The following HDAC9 variants were observed in gnomAD, a reference collection of about 807,000 sequenced individuals.
HDAC9 encodes the protein histone deacetylase 9.
In HDAC9, 41 loss-of-function variants were observed where a neutral mutation model predicts 139.4. The observed-to-expected ratio is 0.29, with a 90% CI of 0.23 to 0.38. The LOEUF (loss-of-function observed/expected upper bound fraction) is 0.38, where lower values mean the gene tolerates loss of function less well. Ranked by LOEUF, HDAC9 falls within the 10% of genes least tolerant of loss-of-function variation. The pLI is 1.00. For missense variants in HDAC9, 1,147 were observed against 1,297.0 expected, an observed-to-expected ratio of 0.88 and a Z score of 1.78; for synonymous variants, 517 against 476.2, an observed-to-expected ratio of 1.09 and a Z score of -1.12.
intron 2 of HDAC9, among the ~76,000 whole-genome samples, chr7:18,533,571 C>CGGAA (rs1809790097): frequency 1.3e-5 from 2 of 152,006 alleles, no homozygotes; most frequent in Non-Finnish European, 2.9e-5. Context: ...ATTTGGCTTC[C>CGGAA]CCAACACATT....
intron 1 of HDAC9, among the ~76,000 whole-genome samples, chr7:18,446,570 T>C (rs1422608520): frequency 1.3e-5 from 2 of 152,340 alleles, no homozygotes; most frequent in Middle Eastern, 3.4e-3. Flanking sequence ...ATATTATGGG[T>C]AAGCTGTTTT....
At chr7:18,954,261 A>G in intron 24 of HDAC9, 31 bp downstream of exon 24, 1 of 1,280,754 alleles carries the variant, frequency 7.8e-7, no homozygotes, top group Non-Finnish European at 1.1e-6. Flanking sequence ...TAAAAATTCT[A>G]AGCAGGTAAA....
In HDAC9 at chr7:18,390,258, G is replaced by A. The variant is rs571048879; in HGVS notation, c.-42+99743G>A. On this transcript the variant is annotated intron_variant, in intron 1 of 3. Coordinates refer to the HDAC9 transcript ENST00000413509. ...GACTAGACACAATTCAGTAGTGTTTGCATGGCTCTTGGCAACTGATCACTC... is the reference window on the plus strand; with the variant it reads ...GACTAGACACAATTCAGTAGTGTTTACATGGCTCTTGGCAACTGATCACTC... Among the ~76,000 whole-genome samples the A allele has an allele frequency of 5.3e-5, 8 of 152,208 alleles. No homozygotes were observed. In the South Asian group the frequency reaches 1.5e-3, roughly 28 times the overall value.
intron 1 of HDAC9, among the ~76,000 whole-genome samples, chr7:18,143,948 A>G (rs1182018483): frequency 6.6e-6 from 1 of 152,124 alleles, no homozygotes; most frequent in Admixed American, 6.5e-5. Flanking sequence ...CTAAATCGAC[A>G]TGGATCACCT....
intron 1 of HDAC9, among the ~76,000 whole-genome samples, chr7:18,460,153 T>A (rs1321785070): frequency 1.3e-5 from 2 of 152,098 alleles, no homozygotes; most frequent in Admixed American, 1.3e-4. Context: ...ACTCCTGGCC[T>A]CAAGTGATCC....
intron 1 of HDAC9, among the ~76,000 whole-genome samples, chr7:18,384,696 G>C (rs1183168803): frequency 6.6e-6 from 1 of 151,314 alleles, no homozygotes; most frequent in Non-Finnish European, 1.5e-5. Context: ...CAGTAGTTGA[G>C]TTATCCCATA....
chr7:18,147,657 C>CTT lies in HDAC9; in HGVS notation c.-96-14572_-96-14571insTT, dbSNP rs765466304. On this transcript the variant is annotated intron_variant, in intron 1 of 12. Transcript: ENST00000417496. ...CTCATTTTTTTTTTAAGCAATAAGG[C>CTT]ATTTAAAATATAGTTGAAGTGCTCT... Among the ~76,000 whole-genome samples, 702 of 151,720 alleles carry CTT rather than the reference C, an allele frequency of 4.6e-3. 2 individuals carry two copies. Among genetic ancestry groups the CTT allele is most frequent in the Non-Finnish European group, 7.4e-3 (502 of 67,926 alleles).
At chr7:18,775,612 AT>A (rs1790696494) in intron 16 of HDAC9, among the ~76,000 whole-genome samples, 13 of 152,014 alleles carry the variant, frequency 8.6e-5, no homozygotes, top group African/African-American at 2.7e-4. Flanking sequence ...TTAAATAAGC[AT>A]GTACTGTCCA....
At chr7:18,926,890 T>C (rs1456756524) in intron 22 of HDAC9, among the ~76,000 whole-genome samples, 1 of 152,186 alleles carries the variant, frequency 6.6e-6, no homozygotes, top group Non-Finnish European at 1.5e-5. Context: ...TGATTGAAAA[T>C]GCTTTCTTTA....
intron 2 of HDAC9, among the ~76,000 whole-genome samples, chr7:18,233,091 G>A (rs1793576527): frequency 6.6e-6 from 1 of 152,058 alleles, no homozygotes; most frequent in Non-Finnish European, 1.5e-5. Context: ...CATGTCTAGA[G>A]GTTTCTTATC....
At chr7:18,174,444 G>A (rs554777294) in intron 2 of HDAC9, among the ~76,000 whole-genome samples, 187 of 152,284 alleles carry the variant, frequency 1.2e-3, no homozygotes, top group Non-Finnish European at 2.3e-3. Flanking sequence ...TCTGAAGCCT[G>A]CTTCTGTCAG....
chr7:18,762,666 C>T (rs1365119246), intron 15 of HDAC9, among the ~76,000 whole-genome samples: 1 of 151,980 alleles, frequency 6.6e-6, no homozygotes. Context: ...GTTCTTTGTT[C>T]TATGACCTTA....
At chr7:18,221,363 G>A (rs1335899167) in intron 2 of HDAC9, among the ~76,000 whole-genome samples, 1 of 151,920 alleles carries the variant, frequency 6.6e-6, no homozygotes, top group Admixed American at 6.6e-5. Flanking sequence ...CCTCAGCCTC[G>A]CAAAGTGCTG....
chr7:18,228,970 C>G (rs1793260083), intron 2 of HDAC9, among the ~76,000 whole-genome samples: 1 of 152,218 alleles, frequency 6.6e-6, no homozygotes, highest in African/African-American at 2.4e-5. Context: ...GGGCAGGATC[C>G]AGGTTTTGTG....
At chr7:18,993,502 G>A (rs1462220789) in intron 25 of HDAC9, among the ~76,000 whole-genome samples, 4 of 152,182 alleles carry the variant, frequency 2.6e-5, no homozygotes, top group Non-Finnish European at 5.9e-5. Context: ...TATGCTGCAA[G>A]ACGCTGGGGA....
intron 1 of HDAC9, among the ~76,000 whole-genome samples, chr7:18,134,838 C>T (rs1439974776): frequency 1.3e-5 from 2 of 152,162 alleles, no homozygotes; most frequent in African/African-American, 4.8e-5. Context: ...AAAAATAAAG[C>T]TATGCAAAAT....
intron 1 of HDAC9, among the ~76,000 whole-genome samples, chr7:18,420,006 C>T (rs1789470266): frequency 6.6e-6 from 1 of 152,116 alleles, no homozygotes; most frequent in African/African-American, 2.4e-5. Context: ...AGAATAGCCC[C>T]TGTTTTGTAA....
intron 21 of HDAC9, among the ~76,000 whole-genome samples, chr7:18,839,412 G>C (rs1331533915): frequency 6.6e-6 from 1 of 152,044 alleles, no homozygotes; most frequent in Non-Finnish European, 1.5e-5. Context: ...AAAGCACAGT[G>C]ACTTTTTACC....
intron 2 of HDAC9, among the ~76,000 whole-genome samples, chr7:18,226,684 T>C (rs1391803229): frequency 2.0e-5 from 3 of 151,400 alleles, no homozygotes; most frequent in Non-Finnish European, 4.4e-5. Context: ...GAATAGGGAG[T>C]AGGATTGAGG....
Sources: gnomAD v4.1 joint callset for allele counts (sites outside exome capture counted in the v4.1 genomes callset) on GRCh38, gnomAD v4.1.1 for gene constraint, MANE v1.5 for transcripts, NCBI Gene and HGNC (gene_info 2026-07-23, HGNC 2026-07-21) for gene names.